The following MORC1 variants were observed in gnomAD, a reference collection of about 807,000 sequenced individuals.
MORC1 encodes MORC family CW-type zinc finger 1, also known as MORC family CW-type zinc finger protein 1.
MORC1 carries 59 observed loss-of-function variants against 134.9 expected under a neutral mutation model. The observed-to-expected ratio is 0.44, with a 90% confidence interval of 0.35 to 0.54. The LOEUF (loss-of-function observed/expected upper bound fraction) is 0.54, where lower values mean the gene tolerates loss of function less well. MORC1 is among the 20% of genes least tolerant of loss of function. The pLI is 0.00. For synonymous variants in MORC1, 395 were observed against 391.7 expected, an observed-to-expected ratio of 1.01 and a Z score of -0.10; for missense variants, 947 against 1,134.5, an observed-to-expected ratio of 0.83 and a Z score of 2.37.
intron 17 of MORC1, among the ~76,000 whole-genome samples, chr3:109,016,308 A>G (rs2107565483): frequency 6.6e-6 from 1 of 152,244 alleles, no homozygotes; most frequent in African/African-American, 2.4e-5. Flanking sequence ...GTCCCTAACT[A>G]GCTTCTGTAT....
intron 17 of MORC1, 43 bp downstream of exon 17, chr3:109,027,708 A>G: frequency 6.2e-7 from 1 of 1,612,118 alleles, no homozygotes; most frequent in East Asian, 2.2e-5. Flanking sequence ...ACCAACAGTT[A>G]AAGAGTCACA....
At chr3:108,988,016 G>C (rs370072790) in intron 21 of MORC1, among the ~76,000 whole-genome samples, 3 of 152,178 alleles carry the variant, frequency 2.0e-5, no homozygotes, top group East Asian at 3.9e-4. Context: ...GGAGCTGTCA[G>C]GTTTTTTGAA....
chr3:109,000,284 C>T (rs1213493499), intron 21 of MORC1, among the ~76,000 whole-genome samples: 1 of 152,116 alleles, frequency 6.6e-6, no homozygotes, highest in Middle Eastern at 3.4e-3. Flanking sequence ...TATATTTTTG[C>T]CTATTTACAT....
intron 17 of MORC1, among the ~76,000 whole-genome samples, chr3:109,022,697 T>C (rs1036364756): frequency 6.6e-6 from 1 of 152,246 alleles, no homozygotes; most frequent in Non-Finnish European, 1.5e-5. Context: ...CAGCCTAACC[T>C]ATGTAGAGTC....
intron 21 of MORC1, among the ~76,000 whole-genome samples, chr3:108,995,347 G>A (rs967596348): frequency 6.6e-6 from 1 of 152,132 alleles, no homozygotes; most frequent in African/African-American, 2.4e-5. Context: ...GGATTAACTG[G>A]GACAAATTTG....
chr3:109,102,601 T>C (rs1950950343), intron 4 of MORC1, among the ~76,000 whole-genome samples: 1 of 152,192 alleles, frequency 6.6e-6, no homozygotes, highest in Admixed American at 6.5e-5. Context: ...TATTACTAGT[T>C]GATGCTACTA....
chr3:108,975,384 AAAACTTTT>A (rs1158627777), intron 24 of MORC1, among the ~76,000 whole-genome samples: 2 of 152,082 alleles, frequency 1.3e-5, no homozygotes, highest in African/African-American at 4.8e-5. Context: ...CTTTCTTTTT[AAAACTTTT>A]TTTTGGTATT....
chr3:109,035,373 G>C lies in MORC1; in HGVS notation c.1426C>G (p.Gln476Glu). 1 of 1,587,760 alleles carries C rather than the reference G, an allele frequency of 6.3e-7. No individual in the cohort carries two copies. The change falls in exon 15 of 28, where the codon CAA becomes GAA. Residue 476 changes from glutamine to glutamate, a missense_variant. This residue lies in a region of MORC1 where 722 missense variants were observed against 817.0 expected (regional missense o/e 0.88). Transcript: ENST00000232603. ...ATGATGAATGGGATACCCATGGCTT[G>C]TCTTCTTTGATATTGAAAAGAATTT... Reference protein sequence around the residue: ...PLNSFQYQRRQAMGIPFIIQC... With the variant: ...PLNSFQYQRREAMGIPFIIQC...
At chr3:108,995,450 G>C (rs1382815480) in intron 21 of MORC1, among the ~76,000 whole-genome samples, 1 of 152,238 alleles carries the variant, frequency 6.6e-6, no homozygotes, top group Non-Finnish European at 1.5e-5. Flanking sequence ...TGTGTTTTGA[G>C]CATGGAAGAC....
intron 1 of MORC1, among the ~76,000 whole-genome samples, chr3:109,116,943 T>C (rs1951286817): frequency 6.6e-6 from 1 of 152,148 alleles, no homozygotes; most frequent in Admixed American, 6.5e-5. Context: ...GAATGGAGGT[T>C]GTGAAGCAGT....
At chr3:108,993,150 C>T (rs999522510) in intron 21 of MORC1, among the ~76,000 whole-genome samples, 1 of 152,196 alleles carries the variant, frequency 6.6e-6, no homozygotes, top group Non-Finnish European at 1.5e-5. Context: ...TAACATAATA[C>T]TACCTCATGG....
chr3:109,102,941 C>T (rs1316990397), intron 4 of MORC1, among the ~76,000 whole-genome samples: 1 of 152,154 alleles, frequency 6.6e-6, no homozygotes, highest in Non-Finnish European at 1.5e-5. Context: ...CAGAACAAAA[C>T]TGGGTGAAAC....
rs767341013 is a variant in MORC1, at chr3:109,005,280, G to A, written c.1803C>T (p.Gly601=). The A allele has an allele frequency of 6.9e-6, 11 of 1,598,236 alleles. No individual in the cohort carries two copies. Among genetic ancestry groups the A allele is most frequent in the South Asian group, 2.3e-5 (2 of 86,772 alleles). ...AAAGAGATTCATGCTTCAAGTCATC[G>A]CCCAAAAGCCTGATTTTCTGGGTTT... ...NTKTQKIRLL[G]DDLKHESLSS... The change falls in exon 19 of 28, where the codon GGC becomes GGT. Residue 601 remains glycine (G), a synonymous_variant. Coordinates refer to ENST00000232603, the MANE Select transcript of MORC1 (RefSeq NM_014429.4).
chr3:109,100,658 C>T (rs72935398), intron 4 of MORC1, 151 bp from the exon 5 acceptor site: 12,120 of 635,692 alleles, frequency 0.019, 748 homozygotes, highest in African/African-American at 0.16. Flanking sequence ...TCAGAATCCA[C>T]AGTCTCTGAC....
At chr3:108,960,430 G>C in intron 27 of MORC1, among the ~76,000 whole-genome samples, 1 of 152,164 alleles carries the variant, frequency 6.6e-6, no homozygotes, top group South Asian at 2.1e-4. Context: ...GATGAAACAT[G>C]GCTTTGCAAG....
At chr3:109,073,613 A>G (rs1039016106) in intron 8 of MORC1, among the ~76,000 whole-genome samples, 1 of 152,160 alleles carries the variant, frequency 6.6e-6, no homozygotes, top group Non-Finnish European at 1.5e-5. Flanking sequence ...CTTTTCCTGG[A>G]TTGAGAAAAT....
chr3:108,995,245 G>A (rs1948168039), intron 21 of MORC1, among the ~76,000 whole-genome samples: 1 of 152,154 alleles, frequency 6.6e-6, no homozygotes. Context: ...CAGAACTATA[G>A]CAACATCTAC....
At chr3:109,082,058 G>T (rs1385803219) in intron 8 of MORC1, among the ~76,000 whole-genome samples, 1 of 152,010 alleles carries the variant, frequency 6.6e-6, no homozygotes, top group Non-Finnish European at 1.5e-5. Flanking sequence ...GCATCACACT[G>T]CAGGAAGTAT....
intron 1 of MORC1, among the ~76,000 whole-genome samples, 179 bp from the exon 2 acceptor site, chr3:109,114,616 A>T (rs1419658905): frequency 6.6e-6 from 1 of 152,208 alleles, no homozygotes; most frequent in Non-Finnish European, 1.5e-5. Context: ...CTCCATTATG[A>T]AGCGAGGGTT....
Sources: allele counts gnomAD v4.1 joint callset (sites outside exome capture counted in the v4.1 genomes callset), GRCh38; gene constraint gnomAD v4.1.1; regional missense constraint gnomAD v4.1.1; transcripts MANE v1.5; gene names NCBI Gene and HGNC (gene_info 2026-07-23, HGNC 2026-07-21).